VWA8: variants seen among roughly 807,000 people sequenced by gnomAD.
VWA8 encodes von Willebrand factor A domain-containing protein 8.
Under a neutral mutation model 241.5 loss-of-function variants are expected in VWA8, and 221 were observed. That is an observed-to-expected ratio of 0.91 (90% confidence interval 0.82 to 1.02). VWA8 has a LOEUF of 1.02. Among genes scored for constraint, VWA8 ranks in the 50% least tolerant of loss-of-function variants. The probability of loss-of-function intolerance (pLI) is 0.00; values close to 1 mark genes in which losing one functional copy is unlikely to be tolerated. For missense variants in VWA8, 2,322 were observed against 2,328.7 expected, an observed-to-expected ratio of 1.00 and a Z score of 0.06; for synonymous variants, 852 against 827.1, an observed-to-expected ratio of 1.03 and a Z score of -0.52.
chr13:41,719,490 C>A (rs1393278477), intron 26 of VWA8, 101 bp downstream of exon 26: 1 of 1,578,516 alleles, frequency 6.3e-7, no homozygotes. Context: ...AAAGCTTACT[C>A]ATGGAAAGTA....
intron 37 of VWA8, among the ~76,000 whole-genome samples, chr13:41,670,710 G>A (rs1181165232): frequency 6.6e-6 from 1 of 152,174 alleles, no homozygotes; most frequent in African/African-American, 2.4e-5. Flanking sequence ...CATATGGTGT[G>A]ATGTCAGTAA....
chr13:41,701,626 G>T, intron 27 of VWA8, 96 bp from the exon 28 acceptor site: 1 of 1,176,458 alleles, frequency 8.5e-7, no homozygotes, highest in Non-Finnish European at 1.1e-6. Context: ...TAACATTCAA[G>T]TATTTAATAT....
intron 13 of VWA8, among the ~76,000 whole-genome samples, chr13:41,830,940 A>G (rs1742828611): frequency 6.6e-6 from 1 of 152,156 alleles, no homozygotes; most frequent in South Asian, 2.1e-4. Flanking sequence ...CTGAATGAGT[A>G]TCTCAAGATA....
At chr13:41,793,855 A>C (rs1350036693) in intron 17 of VWA8, among the ~76,000 whole-genome samples, 1 of 152,184 alleles carries the variant, frequency 6.6e-6, no homozygotes, top group Non-Finnish European at 1.5e-5. Flanking sequence ...TATTTGCTGC[A>C]TGTGGCTAGC....
At chr13:41,892,426 T>G (rs1222432315) in intron 4 of VWA8, among the ~76,000 whole-genome samples, 1 of 152,168 alleles carries the variant, frequency 6.6e-6, no homozygotes, top group Non-Finnish European at 1.5e-5. Flanking sequence ...CCCTTAAAAC[T>G]CGCCTTCATT....
At chr13:41,573,610 C>CATATATATATATATATATAT (rs1239166610) in intron 43 of VWA8, among the ~76,000 whole-genome samples, 8,887 of 139,896 alleles carry the variant, frequency 0.064, 445 homozygotes, top group South Asian at 0.17. Context: ...TATATATACG[C>CATATATATATATATATATAT]ATATATATGG....
chr13:41,803,885 C>T (rs542430317), intron 17 of VWA8, among the ~76,000 whole-genome samples: 43 of 152,160 alleles, frequency 2.8e-4, no homozygotes, highest in Admixed American at 9.2e-4. Context: ...CTGAAAAATT[C>T]AATTGAAATA....
chr13:41,940,187 T>C (rs983326482), intron 2 of VWA8, among the ~76,000 whole-genome samples: 1 of 152,196 alleles, frequency 6.6e-6, no homozygotes, highest in Non-Finnish European at 1.5e-5. Flanking sequence ...AACTGAAAGT[T>C]TCAGAGAGGA....
At chr13:41,839,314 C>T (rs756757400) in intron 12 of VWA8, among the ~76,000 whole-genome samples, 34 of 152,170 alleles carry the variant, frequency 2.2e-4, no homozygotes, top group Non-Finnish European at 4.1e-4. Context: ...AGTGACTGTT[C>T]ATATCCTTCG....
At chr13:41,697,134 C>T (rs751011494) in intron 29 of VWA8, among the ~76,000 whole-genome samples, 13 of 152,162 alleles carry the variant, frequency 8.5e-5, no homozygotes, top group Non-Finnish European at 1.9e-4. Context: ...GTTGCTCAGT[C>T]CCTAAATTTT....
intron 37 of VWA8, among the ~76,000 whole-genome samples, chr13:41,625,837 G>A (rs2044686444): frequency 6.6e-6 from 1 of 151,312 alleles, no homozygotes; most frequent in African/African-American, 2.4e-5. Context: ...CAACCCAAAT[G>A]TCCAACAATG....
chr13:41,849,519 G>C (rs1392542989), intron 12 of VWA8, among the ~76,000 whole-genome samples: 1 of 152,150 alleles, frequency 6.6e-6, no homozygotes, highest in Non-Finnish European at 1.5e-5. Context: ...GGTCTTCAAT[G>C]ACTATAAAAT....
Position 41,678,403 on chromosome 13 carries a change from T to C in VWA8, c.4328-3107A>G, listed in dbSNP as rs895758836. 2.6e-5 allele frequency among the ~76,000 whole-genome samples: 4 copies of C among 152,230 alleles called. No individual in the cohort carries two copies. The East Asian group carries it at 7.7e-4, about 29-fold the overall frequency. On this transcript the variant is annotated intron_variant, in intron 35 of 44. Coordinates refer to ENST00000379310, the MANE Select transcript of VWA8 (RefSeq NM_015058.2). ...TTCTGCCTGTGATATAAGGTCAATC[T>C]TGGATAAAGTTTTGTATCATATATC...
At chr13:41,677,394 G>GTCT (rs975704922) in intron 35 of VWA8, among the ~76,000 whole-genome samples, 1 of 152,168 alleles carries the variant, frequency 6.6e-6, no homozygotes, top group Non-Finnish European at 1.5e-5. Flanking sequence ...ACACTGCTTA[G>GTCT]TCTTCACAGA....
chr13:41,587,624 T>A lies in VWA8; in HGVS notation c.5159A>T (p.Asp1720Val), dbSNP rs2044427806. 3 of 1,614,038 alleles carry A rather than the reference T, an allele frequency of 1.9e-6. No individual in the cohort carries two copies. Among genetic ancestry groups the A allele is most frequent in the South Asian group, 2.2e-5 (2 of 91,086 alleles). Reference sequence around the variant, plus strand: ...GAAACGGTACATGCTACCAGACACATCTACCACCAGGCGCAGACGCTTGGG... The same window carrying A: ...GAAACGGTACATGCTACCAGACACAACTACCACCAGGCGCAGACGCTTGGG... ...QKPKRLRLVV[D>V]VSGSMYRFNR... The change falls in exon 42 of 45, where the codon GAT becomes GTT. Residue 1720 changes from aspartate (D) to valine (V), a missense_variant. Physicochemically the swap from Asp to Val is radical, Grantham distance 152. Coordinates refer to ENST00000379310, the MANE Select transcript of VWA8 (RefSeq NM_015058.2).
At chr13:41,949,641 T>G (rs910092497) in intron 2 of VWA8, among the ~76,000 whole-genome samples, 1 of 151,770 alleles carries the variant, frequency 6.6e-6, no homozygotes, top group African/African-American at 2.4e-5. Context: ...AAAAAAAAGT[T>G]CTGTGCATTA....
At chr13:41,838,561 G>C (rs1393344779) in intron 12 of VWA8, among the ~76,000 whole-genome samples, 1 of 152,088 alleles carries the variant, frequency 6.6e-6, no homozygotes, top group Non-Finnish European at 1.5e-5. Flanking sequence ...AACAGTTTCA[G>C]AAAGTATTTA....
chr13:41,593,616 GTGGATAATCCTCAGGCTTCC>G (rs944627235), intron 40 of VWA8, among the ~76,000 whole-genome samples: 1 of 152,162 alleles, frequency 6.6e-6, no homozygotes, highest in African/African-American at 2.4e-5. Flanking sequence ...GTTCTCTAGT[GTGGATAATCCTCAGGCTTCC>G]TGGATAATTT....
chr13:41,701,347 A>G, intron 28 of VWA8, 45 bp downstream of exon 28: 1 of 1,480,380 alleles, frequency 6.8e-7, no homozygotes, highest in Non-Finnish European at 8.9e-7. Flanking sequence ...ATCTTTTAAA[A>G]AAACATGTGC....
Sources: gnomAD v4.1 joint callset for allele counts (sites outside exome capture counted in the v4.1 genomes callset) on GRCh38, gnomAD v4.1.1 for gene constraint, MANE v1.5 for transcripts, NCBI Gene and HGNC (gene_info 2026-07-23, HGNC 2026-07-21) for gene names.